The following ARID1B variants were observed in gnomAD, a reference collection of about 807,000 sequenced individuals.
ARID1B encodes AT-rich interaction domain 1B.
ARID1B carries 30 observed loss-of-function variants against 212.3 expected under a neutral mutation model. The observed-to-expected ratio is 0.14, with a 90% confidence interval of 0.11 to 0.19. ARID1B has a LOEUF of 0.19. Among genes scored for constraint, ARID1B ranks in the 10% least tolerant of loss-of-function variants. ARID1B has a pLI of 1.00. For synonymous variants in ARID1B, 1,402 were observed against 1,301.7 expected, an observed-to-expected ratio of 1.08 and a Z score of -1.66; for missense variants, 2,891 against 3,204.0, an observed-to-expected ratio of 0.90 and a Z score of 2.36.
chr6:157,206,751 G>C lies in ARID1B; in HGVS notation c.5979G>C (p.Glu1993Asp), dbSNP rs1381000019. 1.2e-6 allele frequency: 2 copies of C among 1,613,358 alleles called. No homozygotes were observed. The highest frequency in any genetic ancestry group is 3.3e-5 in the Admixed American group (2 of 60,030). The change falls in exon 20 of 20, where the codon GAG becomes GAC. Residue 1993 changes from glutamate (E) to aspartate (D), a missense_variant. This residue lies in a region of ARID1B where 332 missense variants were observed against 369.2 expected (regional missense o/e 0.90). Coordinates refer to ENST00000636930, the MANE Select transcript of ARID1B (RefSeq NM_001374828.1). The surrounding 1 kb of genome is among the most constrained non-coding windows in gnomAD (Gnocchi z 6.8). ...EGKGDSEEQQ[E>D]KSIIATIDDV... ...AAGGCGACTCTGAAGAGCAGCAAGA[G>C]AAAAGCATCATAGCAACCATCGATG... is the stretch of plus-strand genomic sequence containing the variant.
intron 3 of ARID1B, among the ~76,000 whole-genome samples, chr6:156,921,100 AG>A (rs1790747526): frequency 6.6e-6 from 1 of 152,088 alleles, no homozygotes; most frequent in African/African-American, 2.4e-5. Flanking sequence ...GCTTGAAAGC[AG>A]TAGTTCTCAT....
At chr6:156,880,739 CAAA>C (rs141153792) in intron 2 of ARID1B, among the ~76,000 whole-genome samples, 1 of 86,992 alleles carries the variant, frequency 1.1e-5, no homozygotes, top group Non-Finnish European at 2.1e-5. Context: ...GACTCTGTCT[CAAA>C]AAAAAAAAAA....
rs1227939204 is a variant in ARID1B at position 156,876,178 on chromosome 6, A to C, written c.1987-25198A>C. On this transcript the variant is annotated intron_variant, in intron 2 of 19. Coordinates refer to ENST00000636930, the MANE Select transcript of ARID1B (RefSeq NM_001374828.1). ...ATTTAAAGAAATTTGCCAAAGCTTTATATTTTGGAGTAGATAGCACTGATG... is the reference window on the plus strand; with the variant it reads ...ATTTAAAGAAATTTGCCAAAGCTTTCTATTTTGGAGTAGATAGCACTGATG... Among the ~76,000 whole-genome samples the C allele has an allele frequency of 2.0e-5, 3 of 152,234 alleles. No homozygotes were observed. In the East Asian group the frequency reaches 5.8e-4, roughly 29 times the overall value.
At chr6:156,902,471 G>C (rs1789027463) in intron 3 of ARID1B, among the ~76,000 whole-genome samples, 1 of 151,970 alleles carries the variant, frequency 6.6e-6, no homozygotes, top group Non-Finnish European at 1.5e-5. Flanking sequence ...AATTTACGGA[G>C]CTTAATTTTA....
At position 156,911,198 on chromosome 6, in the gene ARID1B, A is replaced by G. The variant is rs1360439427; in HGVS notation, c.2136+9673A>G. Among the ~76,000 whole-genome samples the G allele has an allele frequency of 2.0e-5, 3 of 152,220 alleles. No homozygotes were observed. The East Asian group carries it at 5.8e-4, about 29-fold the overall frequency. ...ATGAGCAACTGTTGGCAAAGTTCTG[A>G]GCAAAACAAAGTATAATCTTCCCTC... On this transcript the variant is annotated intron_variant, in intron 3 of 19. Transcript: ENST00000636930.
intron 1 of ARID1B, among the ~76,000 whole-genome samples, chr6:156,796,607 G>C (rs920571380): frequency 6.6e-6 from 1 of 152,206 alleles, no homozygotes; most frequent in Non-Finnish European, 1.5e-5. Flanking sequence ...ACATTCTGAA[G>C]CAGCTGAGAA....
chr6:157,042,189 AG>A (rs1359321619), intron 4 of ARID1B, among the ~76,000 whole-genome samples: 3 of 152,246 alleles, frequency 2.0e-5, no homozygotes, highest in African/African-American at 7.2e-5. Flanking sequence ...ATATGCATAA[AG>A]CCATGACAAA....
chr6:156,889,163 T>G (rs1787739955), intron 2 of ARID1B, among the ~76,000 whole-genome samples: 1 of 152,240 alleles, frequency 6.6e-6, no homozygotes, highest in South Asian at 2.1e-4. Context: ...GCAACCCTCC[T>G]ACCATACCAA....
chr6:156,990,486 C>A (rs1340390398), intron 4 of ARID1B, among the ~76,000 whole-genome samples: 1 of 151,944 alleles, frequency 6.6e-6, no homozygotes, highest in African/African-American at 2.4e-5. Context: ...ACTAAAAATA[C>A]AAAAATTAGC....
At chr6:156,980,754 C>T (rs1449900203) in intron 4 of ARID1B, among the ~76,000 whole-genome samples, 1 of 152,134 alleles carries the variant, frequency 6.6e-6, no homozygotes, top group East Asian at 1.9e-4. Context: ...CAGCCCGGAA[C>T]CCGGCAGTCT....
At chr6:156,813,106 A>T (rs1182046208) in intron 1 of ARID1B, among the ~76,000 whole-genome samples, 26 of 105,930 alleles carry the variant, frequency 2.5e-4, no homozygotes, top group African/African-American at 7.1e-4. Flanking sequence ...ACATATATAT[A>T]TATTTTTTTT....
At chr6:156,780,316 A>T (rs1433137070) in intron 1 of ARID1B, 1 of 152,164 alleles carries the variant, frequency 6.6e-6, no homozygotes, top group Non-Finnish European at 1.5e-5. Flanking sequence ...AAGATAGCAG[A>T]CCAGTGAAAA....
intron 8 of ARID1B, among the ~76,000 whole-genome samples, chr6:157,165,591 T>A (rs1791272536): frequency 6.6e-6 from 1 of 152,162 alleles, no homozygotes; most frequent in African/African-American, 2.4e-5. Flanking sequence ...ACATGGTGGC[T>A]CACACCTGTA....
chr6:156,935,984 T>G (rs1792173764), intron 4 of ARID1B: 1 of 154,218 alleles, frequency 6.5e-6, no homozygotes, highest in Admixed American at 6.5e-5. Context: ...AAATACCTGA[T>G]AGTAATTTGA....
At chr6:156,776,246 G>A (rs1336278196), upstream of ARID1B, 4 of 152,070 alleles carry the variant, frequency 2.6e-5, no homozygotes, top group Admixed American at 2.6e-4. Context: ...GTTACTAGGG[G>A]ACAATGCACA....
upstream of ARID1B, chr6:156,777,222 G>GGCCCCA (rs1228303478): frequency 9.3e-5 from 14 of 151,008 alleles, no homozygotes; most frequent in African/African-American, 3.4e-4. Flanking sequence ...CCCCGGCCCC[G>GGCCCCA]GCCCCAGCCT....
intron 2 of ARID1B, among the ~76,000 whole-genome samples, chr6:156,880,694 C>T (rs947596240): frequency 4.8e-5 from 6 of 125,018 alleles, no homozygotes; most frequent in Non-Finnish European, 7.8e-5. Flanking sequence ...GAGCCAAGAT[C>T]GTGCAACTGC....
intron 2 of ARID1B, among the ~76,000 whole-genome samples, chr6:156,854,870 GA>G (rs1256320004): frequency 6.6e-6 from 1 of 152,212 alleles, no homozygotes; most frequent in Non-Finnish European, 1.5e-5. Context: ...ACAAAAATAT[GA>G]TCATAAGAAT....
intron 5 of ARID1B, among the ~76,000 whole-genome samples, chr6:157,105,745 G>A (rs1388165281): frequency 6.6e-6 from 1 of 152,052 alleles, no homozygotes; most frequent in African/African-American, 2.4e-5. Flanking sequence ...GTGGTTACAG[G>A]CACGCATCAC....
Sources: allele counts gnomAD v4.1 joint callset (sites outside exome capture counted in the v4.1 genomes callset), GRCh38; gene constraint gnomAD v4.1.1; regional missense constraint gnomAD v4.1.1; non-coding constraint Gnocchi (gnomAD v3.1); transcripts MANE v1.5; gene names NCBI Gene and HGNC (gene_info 2026-07-23, HGNC 2026-07-21).